Variants in ASAP1 observed in about 807,000 individuals in gnomAD.
The protein encoded by ASAP1 is arf-GAP with SH3 domain, ANK repeat and PH domain-containing protein 1.
Under a neutral mutation model 145.2 loss-of-function variants are expected in ASAP1, and 43 were observed. The ratio of observed to expected loss-of-function variants is 0.30; its 90% CI spans 0.23 to 0.38. The LOEUF is 0.38. Among genes scored for constraint, ASAP1 ranks in the 10% least tolerant of loss-of-function variants. ASAP1 has a pLI of 1.00. For missense variants in ASAP1, 1,018 were observed against 1,355.3 expected (o/e 0.75, Z 3.91); for synonymous variants, 546 against 515.5 (o/e 1.06, Z -0.80).
At chr8:130,236,873 G>A (rs779308817) in intron 4 of ASAP1, 49 bp downstream of exon 4, 4 of 1,321,806 alleles carry the variant, frequency 3.0e-6, no homozygotes, top group Non-Finnish European at 4.2e-6. Context: ...ACAAAACTCT[G>A]TAGACATTAT....
chr8:130,338,007 AT>A (rs1214846187), intron 3 of ASAP1, among the ~76,000 whole-genome samples: 1 of 152,208 alleles, frequency 6.6e-6, no homozygotes, highest in East Asian at 1.9e-4. Flanking sequence ...TGAAATACAT[AT>A]TACACTCATT....
At chr8:130,340,123 C>A (rs978484912) in intron 3 of ASAP1, among the ~76,000 whole-genome samples, 1 of 152,162 alleles carries the variant, frequency 6.6e-6, no homozygotes, top group Non-Finnish European at 1.5e-5. Context: ...ACCAACATTT[C>A]GGCACAGTGG....
At chr8:130,144,005 A>T (rs1319400284) in intron 13 of ASAP1, among the ~76,000 whole-genome samples, 1 of 152,230 alleles carries the variant, frequency 6.6e-6, no homozygotes, top group African/African-American at 2.4e-5. Context: ...GCGTGGAAAG[A>T]GGTAAAAATA....
chr8:130,342,399 GGTAAA>G (rs1369977015), intron 3 of ASAP1, among the ~76,000 whole-genome samples: 1 of 152,110 alleles, frequency 6.6e-6, no homozygotes, highest in Non-Finnish European at 1.5e-5. Flanking sequence ...AAATACCGTG[GGTAAA>G]GTACTCAGCA....
chr8:130,319,406 G>C (rs1226690956), intron 3 of ASAP1, among the ~76,000 whole-genome samples: 1 of 152,190 alleles, frequency 6.6e-6, no homozygotes, highest in African/African-American at 2.4e-5. Flanking sequence ...AACCAAATGG[G>C]GAGAAAGCAG....
chr8:130,200,253 CA>C (rs796336484), intron 5 of ASAP1, among the ~76,000 whole-genome samples: 2 of 152,058 alleles, frequency 1.3e-5, no homozygotes, highest in East Asian at 3.9e-4. Context: ...TAGAAATATT[CA>C]AAACAGGAAG....
At chr8:130,298,552 C>T (rs1204035665) in intron 3 of ASAP1, among the ~76,000 whole-genome samples, 1 of 152,180 alleles carries the variant, frequency 6.6e-6, no homozygotes, top group Non-Finnish European at 1.5e-5. Context: ...CACAATGGTC[C>T]TTCTAAAAAG....
chr8:130,416,606 A>G (rs375757814), intron 1 of ASAP1, among the ~76,000 whole-genome samples: 1 of 152,222 alleles, frequency 6.6e-6, no homozygotes. Context: ...TTAGAAATCA[A>G]TCAAGGCTTC....
intron 1 of ASAP1, among the ~76,000 whole-genome samples, chr8:130,414,603 G>C (rs976543954): frequency 2.0e-4 from 31 of 152,280 alleles, no homozygotes; most frequent in African/African-American, 6.3e-4. Context: ...ACACATAACT[G>C]ATGCTTCTCT....
At chr8:130,144,281 TA>T (rs1377335580) in intron 13 of ASAP1, among the ~76,000 whole-genome samples, 1 of 152,166 alleles carries the variant, frequency 6.6e-6, no homozygotes, top group African/African-American at 2.4e-5. Context: ...TCCAAACAGA[TA>T]AAAGGTAACA....
intron 2 of ASAP1, among the ~76,000 whole-genome samples, chr8:130,361,323 G>A (rs1481770970): frequency 6.6e-6 from 1 of 152,168 alleles, no homozygotes; most frequent in African/African-American, 2.4e-5. Context: ...TAAAATAAAG[G>A]AGTGAGTGTG....
intron 27 of ASAP1, 54 bp downstream of exon 27, chr8:130,076,294 G>T: frequency 7.2e-7 from 1 of 1,384,702 alleles, no homozygotes; most frequent in Non-Finnish European, 1.0e-6. Flanking sequence ...TGGGCCCCTT[G>T]GAGGGGGTAG....
intron 13 of ASAP1, among the ~76,000 whole-genome samples, chr8:130,139,729 T>A (rs1661354315): frequency 1.3e-5 from 2 of 149,138 alleles, no homozygotes; most frequent in African/African-American, 2.5e-5. Context: ...AGAGCAAGAC[T>A]CCATCTCAAA....
chr8:130,171,680 G>A (rs558276757), intron 9 of ASAP1, among the ~76,000 whole-genome samples: 2 of 152,244 alleles, frequency 1.3e-5, no homozygotes, highest in East Asian at 1.9e-4. Context: ...GACTCAGCTC[G>A]GCTGCTACCC....
intron 24 of ASAP1, among the ~76,000 whole-genome samples, chr8:130,096,828 C>G (rs1196496649): frequency 1.3e-5 from 2 of 151,804 alleles, no homozygotes; most frequent in Non-Finnish European, 1.5e-5. Flanking sequence ...AATCCATGAT[C>G]AGAAAAAGTC....
chr8:130,209,762 GAACT>G (rs893923990), intron 5 of ASAP1, among the ~76,000 whole-genome samples: 1 of 151,892 alleles, frequency 6.6e-6, no homozygotes, highest in African/African-American at 2.4e-5. Context: ...GTTGCAAGTT[GAACT>G]AACTGGCATT....
intron 27 of ASAP1, among the ~76,000 whole-genome samples, chr8:130,070,019 C>G (rs1209700289): frequency 6.6e-6 from 1 of 152,158 alleles, no homozygotes; most frequent in Non-Finnish European, 1.5e-5. Flanking sequence ...GAACACACTT[C>G]ATGTGAATTG....
intron 1 of ASAP1, among the ~76,000 whole-genome samples, chr8:130,437,346 C>T (rs1376701275): frequency 1.3e-5 from 2 of 152,202 alleles, no homozygotes; most frequent in African/African-American, 2.4e-5. Flanking sequence ...AACACATTTC[C>T]CTGCAAGACA....
intron 27 of ASAP1, among the ~76,000 whole-genome samples, chr8:130,072,181 A>G (rs890136587): frequency 6.6e-5 from 10 of 152,232 alleles, no homozygotes; most frequent in African/African-American, 2.4e-4. Flanking sequence ...AGAGCTGACC[A>G]TGTGGAGGCT....
Sources: allele counts gnomAD v4.1 joint callset (sites outside exome capture counted in the v4.1 genomes callset), GRCh38; gene constraint gnomAD v4.1.1; transcripts MANE v1.5; gene names NCBI Gene and HGNC (gene_info 2026-07-23, HGNC 2026-07-21).